The following PPP1R16B variants were observed in gnomAD, a reference collection of about 807,000 sequenced individuals.
PPP1R16B encodes the protein protein phosphatase 1 regulatory inhibitor subunit 16B.
In PPP1R16B, 14 loss-of-function variants were observed where a neutral mutation model predicts 61.7. The ratio of observed to expected loss-of-function variants is 0.23; its 90% CI spans 0.15 to 0.35. The LOEUF (loss-of-function observed/expected upper bound fraction) is 0.35. PPP1R16B is among the 10% of genes least tolerant of loss of function. The pLI, the probability that PPP1R16B is intolerant of heterozygous loss-of-function variation, is 1.00. For missense variants in PPP1R16B, 547 were observed against 752.5 expected (o/e 0.73, Z 3.19); for synonymous variants, 266 against 305.3 (o/e 0.87, Z 1.34).
rs1461025776 is a variant in PPP1R16B, at chr20:38,907,622, TATA to T, written c.899-181_899-179del. On this transcript the variant is annotated intron_variant, in intron 8 of 10. Transcript: ENST00000299824. This position sits in a 1 kb window ranked among gnomAD's most constrained non-coding sequence, Gnocchi z 4.5. ...GCCCAGAACCTGGGTTTCCCATTCTTATAATCCTCTTATAAACACACTCACTCA... is the reference window on the plus strand; with the variant it reads ...GCCCAGAACCTGGGTTTCCCATTCTTATCCTCTTATAAACACACTCACTCA... 3.3e-5 allele frequency among the ~76,000 whole-genome samples: 5 copies of T among 152,196 alleles called. No homozygotes were observed. Among genetic ancestry groups the T allele is most frequent in the Admixed American group, 2.0e-4 (3 of 15,272 alleles).
At chr20:38,861,593 C>A (rs6015970) in intron 2 of PPP1R16B, among the ~76,000 whole-genome samples, 2 of 152,136 alleles carry the variant, frequency 1.3e-5, no homozygotes, top group East Asian at 1.9e-4. Context: ...TTCTTCCCCC[C>A]CACCCTTCAG....
intron 2 of PPP1R16B, among the ~76,000 whole-genome samples, chr20:38,866,928 C>T (rs1050362963): frequency 1.6e-4 from 24 of 152,210 alleles, no homozygotes; most frequent in African/African-American, 5.8e-4. Context: ...CCAGTTTCCT[C>T]TTCCCCCTAG....
intron 2 of PPP1R16B, among the ~76,000 whole-genome samples, chr20:38,876,073 G>A (rs1348156169): frequency 1.3e-5 from 2 of 150,938 alleles, no homozygotes; most frequent in Non-Finnish European, 2.9e-5. Context: ...CCCGGGTTCG[G>A]GCGATTCTCC....
intron 2 of PPP1R16B, among the ~76,000 whole-genome samples, chr20:38,879,353 C>A (rs1421678266): frequency 1.3e-5 from 2 of 152,112 alleles, no homozygotes; most frequent in Non-Finnish European, 2.9e-5. Flanking sequence ...ATCATCTTCA[C>A]GGTAGCTGAG....
chr20:38,855,135 C>T (rs1014431035), intron 2 of PPP1R16B, among the ~76,000 whole-genome samples: 1 of 152,096 alleles, frequency 6.6e-6, no homozygotes, highest in Non-Finnish European at 1.5e-5. Context: ...GACCTGCCCC[C>T]TGAAGAACTT....
intron 1 of PPP1R16B, among the ~76,000 whole-genome samples, chr20:38,831,059 C>T (rs1210759167): frequency 6.6e-6 from 1 of 152,210 alleles, no homozygotes; most frequent in Non-Finnish European, 1.5e-5. Context: ...GACATTTTAT[C>T]CTCCAGTGAG....
chr20:38,914,414 G>A (rs1263416338), intron 10 of PPP1R16B, among the ~76,000 whole-genome samples: 1 of 152,136 alleles, frequency 6.6e-6, no homozygotes, highest in East Asian at 1.9e-4. Context: ...CTGTTGTCCA[G>A]TATCTCAGTT....
chr20:38,842,195 TA>T (rs2084912859), intron 2 of PPP1R16B, among the ~76,000 whole-genome samples: 1 of 152,234 alleles, frequency 6.6e-6, no homozygotes, highest in Non-Finnish European at 1.5e-5. Flanking sequence ...GGCAGTCCTG[TA>T]CTTCCTGCTT....
At chr20:38,810,860 G>T (rs1218085823) in intron 1 of PPP1R16B, among the ~76,000 whole-genome samples, 1 of 152,126 alleles carries the variant, frequency 6.6e-6, no homozygotes, top group Non-Finnish European at 1.5e-5. Context: ...ACGTCTTGGG[G>T]GGCATCTCAA....
intron 2 of PPP1R16B, among the ~76,000 whole-genome samples, chr20:38,850,793 C>T (rs1479657933): frequency 1.3e-5 from 2 of 151,574 alleles, no homozygotes; most frequent in Admixed American, 6.6e-5. Context: ...ATGGTGAAAC[C>T]CTGTCTCTAC....
At chr20:38,843,186 A>G (rs556817577) in intron 2 of PPP1R16B, among the ~76,000 whole-genome samples, 1 of 152,402 alleles carries the variant, frequency 6.6e-6, no homozygotes, top group African/African-American at 2.4e-5. Context: ...AAACGGAGGC[A>G]TTAAATATTT....
chr20:38,875,926 A>G (rs932578432), intron 2 of PPP1R16B, among the ~76,000 whole-genome samples: 1 of 149,368 alleles, frequency 6.7e-6, no homozygotes, highest in Non-Finnish European at 1.5e-5. Context: ...ACCAGGGACC[A>G]GGAGACTTTT....
chr20:38,857,938 C>T (rs771600093), intron 2 of PPP1R16B, among the ~76,000 whole-genome samples: 9 of 151,944 alleles, frequency 5.9e-5, no homozygotes, highest in South Asian at 2.1e-4. Flanking sequence ...GACTGGGTGG[C>T]GTAAACGATA....
At chr20:38,880,625 A>G (rs2145752269) in intron 2 of PPP1R16B, among the ~76,000 whole-genome samples, 2 of 152,314 alleles carry the variant, frequency 1.3e-5, no homozygotes, top group East Asian at 3.9e-4. Flanking sequence ...GCTTGATCAC[A>G]CCACTGTACT....
chr20:38,909,341 C>T (rs530974961), intron 10 of PPP1R16B, among the ~76,000 whole-genome samples: 61 of 152,298 alleles, frequency 4.0e-4, no homozygotes, highest in Admixed American at 7.2e-4. Context: ...TGGATTGGAG[C>T]CCATGCCAAT....
In PPP1R16B at chr20:38,908,023, CT is replaced by C. The variant is rs2085459169; in HGVS notation, c.1029-4del. 6.2e-7 allele frequency: 1 copy of C among 1,614,176 alleles called. No homozygotes were observed. The highest frequency in any genetic ancestry group is 8.5e-7 in the Non-Finnish European group (1 of 1,180,018). On this transcript the variant is annotated splice_region_variant and splice_polypyrimidine_tract_variant and intron_variant, in intron 9 of 10. Coordinates refer to ENST00000299824, the MANE Select transcript of PPP1R16B (RefSeq NM_015568.4). ...CAGCCTCTAGGACCCACTTTGTCCT[CT>C]CAGGAAGGTGGTGCGGCGAGCCAGC... is the stretch of plus-strand genomic sequence containing the variant.
intron 3 of PPP1R16B, among the ~76,000 whole-genome samples, chr20:38,891,005 A>G (rs971224899): frequency 6.6e-6 from 1 of 151,274 alleles, no homozygotes; most frequent in East Asian, 1.9e-4. Flanking sequence ...GCCATTGGAA[A>G]CTCCCAGACT....
At chr20:38,820,558 C>CA (rs575200975) in intron 1 of PPP1R16B, among the ~76,000 whole-genome samples, 209 of 125,612 alleles carry the variant, frequency 1.7e-3, no homozygotes, top group Middle Eastern at 4.1e-3. Flanking sequence ...AACTTCGTCT[C>CA]AAAAAAAAAA....
chr20:38,829,767 G>A (rs1305701047), intron 1 of PPP1R16B, among the ~76,000 whole-genome samples: 1 of 152,220 alleles, frequency 6.6e-6, no homozygotes, highest in Non-Finnish European at 1.5e-5. Flanking sequence ...CAGCACCATG[G>A]CAGTTCTTTA....
Sources: gnomAD v4.1 joint callset for allele counts (sites outside exome capture counted in the v4.1 genomes callset) on GRCh38, gnomAD v4.1.1 for gene constraint, Gnocchi (gnomAD v3.1) non-coding constraint, MANE v1.5 for transcripts, NCBI Gene and HGNC (gene_info 2026-07-23, HGNC 2026-07-21) for gene names.